Variants in AKAP7 observed in about 807,000 individuals in gnomAD.
AKAP7 encodes the protein A-kinase anchoring protein 7.
A neutral mutation model predicts 39.5 loss-of-function variants in AKAP7; 39 were observed. The observed-to-expected ratio is 0.99, with a 90% CI of 0.76 to 1.29. AKAP7 has a LOEUF of 1.29. Ranked by LOEUF, AKAP7 falls within the 50% of genes most tolerant of loss-of-function variation. The pLI, the probability that AKAP7 is intolerant of heterozygous loss-of-function variation, is 0.00. For missense variants in AKAP7, 414 were observed against 407.7 expected (o/e 1.02, Z -0.13); for synonymous variants, 140 against 139.1 (o/e 1.01, Z -0.05).
chr6:131,212,900 C>G (rs1258843529), intron 6 of AKAP7, among the ~76,000 whole-genome samples: 1 of 152,084 alleles, frequency 6.6e-6, no homozygotes, highest in East Asian at 1.9e-4. Flanking sequence ...TTAGGTCTTT[C>G]TTATTTAAAG....
intron 7 of AKAP7, among the ~76,000 whole-genome samples, chr6:131,249,591 C>T (rs188038328): frequency 6.6e-6 from 1 of 152,168 alleles, no homozygotes; most frequent in East Asian, 1.9e-4. Flanking sequence ...TTTTTCTTTC[C>T]TAGAGTGTCA....
intron 6 of AKAP7, 74 bp downstream of exon 6, chr6:131,199,647 G>A (rs1395439455): frequency 8.3e-7 from 1 of 1,205,852 alleles, no homozygotes; most frequent in African/African-American, 1.5e-5. Context: ...GAGCACGAGT[G>A]ACATTGCTGT....
chr6:131,231,632 T>C (rs1264133734), intron 7 of AKAP7, among the ~76,000 whole-genome samples: 1 of 152,186 alleles, frequency 6.6e-6, no homozygotes, highest in African/African-American at 2.4e-5. Context: ...TGGGTGACCA[T>C]ATGATTTATC....
At chr6:131,143,898 G>A (rs1487017089) in intron 1 of AKAP7, among the ~76,000 whole-genome samples, 2 of 127,784 alleles carry the variant, frequency 1.6e-5, no homozygotes, top group Admixed American at 1.8e-4. Context: ...CCTAGGCAGA[G>A]GACCCTGCGG....
chr6:131,209,145 T>C (rs1808408417), intron 6 of AKAP7, among the ~76,000 whole-genome samples: 1 of 152,126 alleles, frequency 6.6e-6, no homozygotes, highest in African/African-American at 2.4e-5. Flanking sequence ...GCTTAGGAAA[T>C]GCTGATTTGA....
intron 5 of AKAP7, among the ~76,000 whole-genome samples, chr6:131,170,174 C>A (rs1229613749): frequency 6.7e-6 from 1 of 148,306 alleles, no homozygotes; most frequent in African/African-American, 2.5e-5. Context: ...GGAGGGATAG[C>A]ATTGGGAGAT....
intron 7 of AKAP7, among the ~76,000 whole-genome samples, chr6:131,249,302 A>C (rs1245527670): frequency 6.6e-6 from 1 of 152,230 alleles, no homozygotes; most frequent in Admixed American, 6.5e-5. Context: ...TCTTTCAGAA[A>C]AAAAGCATTG....
intron 7 of AKAP7, among the ~76,000 whole-genome samples, chr6:131,280,657 G>C (rs146514243): frequency 6.6e-6 from 1 of 152,162 alleles, no homozygotes; most frequent in Admixed American, 6.5e-5. Context: ...TCCCCAGCTC[G>C]ATGGGAGGAG....
chr6:131,186,464 A>G lies in AKAP7; in HGVS notation c.590-12997A>G, dbSNP rs567046844. On this transcript the variant is annotated intron_variant, in intron 5 of 7. Transcript: ENST00000431975. Reference sequence around the variant, plus strand: ...TAAATAGCAATGCAGAAATGGCGTAATACAACTGTCTTTTCTCATTGAATG... The same window carrying G: ...TAAATAGCAATGCAGAAATGGCGTAGTACAACTGTCTTTTCTCATTGAATG... 2.6e-5 allele frequency among the ~76,000 whole-genome samples: 4 copies of G among 152,292 alleles called. No individual in the cohort carries two copies. In the East Asian group the frequency reaches 5.8e-4, roughly 22 times the overall value.
At chr6:131,205,669 T>TA (rs1474402864) in intron 6 of AKAP7, among the ~76,000 whole-genome samples, 1 of 152,208 alleles carries the variant, frequency 6.6e-6, no homozygotes, top group African/African-American at 2.4e-5. Flanking sequence ...ACAGATTCTG[T>TA]GAAACATAAG....
At chr6:131,223,579 G>C (rs1431704124) in intron 7 of AKAP7, among the ~76,000 whole-genome samples, 1 of 152,122 alleles carries the variant, frequency 6.6e-6, no homozygotes, top group Non-Finnish European at 1.5e-5. Flanking sequence ...TTCCATCCAA[G>C]TTTTGATGAG....
At chr6:131,218,037 G>A (rs976881495) in intron 6 of AKAP7, among the ~76,000 whole-genome samples, 5 of 152,104 alleles carry the variant, frequency 3.3e-5, no homozygotes, top group African/African-American at 1.2e-4. Context: ...GATAATGACT[G>A]TGTGTATGTG....
intron 7 of AKAP7, chr6:131,242,048 T>C: frequency 1.0e-6 from 1 of 981,104 alleles, no homozygotes; most frequent in Non-Finnish European, 1.2e-6. Flanking sequence ...CAGGGATCCT[T>C]TGATATTGTA....
intron 5 of AKAP7, among the ~76,000 whole-genome samples, chr6:131,196,634 G>C (rs573094014): frequency 2.0e-4 from 30 of 151,912 alleles, no homozygotes; most frequent in Admixed American, 5.9e-4. Context: ...AAATTTATCT[G>C]ATAAAATTCT....
chr6:131,131,156 A>G (rs1006934104), upstream of AKAP7, among the ~76,000 whole-genome samples: 3 of 151,808 alleles, frequency 2.0e-5, no homozygotes, highest in African/African-American at 4.8e-5. Context: ...AACCAAAGTG[A>G]CTCTCCAGAG....
intron 7 of AKAP7, chr6:131,250,713 T>C (rs1437693941): frequency 3.4e-5 from 41 of 1,223,514 alleles, no homozygotes; most frequent in Non-Finnish European, 4.5e-5. Context: ...ATGGGAAGGA[T>C]AGCAGACTAA....
chr6:131,161,779 T>A (rs1187842183), intron 3 of AKAP7, among the ~76,000 whole-genome samples: 2 of 151,474 alleles, frequency 1.3e-5, no homozygotes, highest in African/African-American at 2.4e-5. Flanking sequence ...ACTTGCAAGT[T>A]TGGTTTGAAA....
intron 5 of AKAP7, among the ~76,000 whole-genome samples, chr6:131,180,395 C>A (rs563107216): frequency 2.8e-4 from 42 of 152,108 alleles, no homozygotes; most frequent in Non-Finnish European, 4.4e-4. Flanking sequence ...AACACCTTTC[C>A]TATCCCTAAA....
At chr6:131,199,695 C>G in intron 6 of AKAP7, 122 bp downstream of exon 6, 2 of 828,500 alleles carry the variant, frequency 2.4e-6, no homozygotes, top group Non-Finnish European at 3.9e-6. Flanking sequence ...GTTTCCAAGT[C>G]AGGTTGGTTC....
Sources: allele counts gnomAD v4.1 joint callset (sites outside exome capture counted in the v4.1 genomes callset), GRCh38; gene constraint gnomAD v4.1.1; transcripts MANE v1.5; gene names NCBI Gene and HGNC (gene_info 2026-07-23, HGNC 2026-07-21).